The following FBXO27 variants were observed in gnomAD, a reference collection of about 807,000 sequenced individuals.
FBXO27 encodes the protein F-box only protein 27.
In FBXO27, 28 loss-of-function variants were observed where a neutral mutation model predicts 28.3. That is an observed-to-expected ratio of 0.99 (90% confidence interval 0.73 to 1.36). FBXO27 has a LOEUF of 1.36. FBXO27 is among the 40% of genes most tolerant of loss of function. The pLI, the probability that FBXO27 is intolerant of heterozygous loss-of-function variation, is 0.00. For missense variants in FBXO27, 388 were observed against 394.1 expected, an observed-to-expected ratio of 0.98 and a Z score of 0.13; for synonymous variants, 175 against 167.3, an observed-to-expected ratio of 1.05 and a Z score of -0.36.
At chr19:39,030,710 C>T (rs1281071374) in intron 4 of FBXO27, 1 of 339,314 alleles carries the variant, frequency 2.9e-6, no homozygotes, top group Non-Finnish European at 5.5e-6. Flanking sequence ...TCAAGTGATT[C>T]TCCTGCCTCA....
At chr19:39,016,254 G>T (rs1023956866) in intron 1 of FBXO27, among the ~76,000 whole-genome samples, 9 of 152,086 alleles carry the variant, frequency 5.9e-5, no homozygotes, top group Non-Finnish European at 1.2e-4. Flanking sequence ...GACACCAAGT[G>T]TGACCCTAAT....
At chr19:39,026,781 C>T in intron 5 of FBXO27, 89 bp downstream of exon 5, 1 of 1,575,850 alleles carries the variant, frequency 6.3e-7, no homozygotes. Flanking sequence ...CAGACTGTCA[C>T]TGATTTTAAG....
At chr19:39,026,331 C>T (rs1446564652) in intron 5 of FBXO27, among the ~76,000 whole-genome samples, 1 of 152,142 alleles carries the variant, frequency 6.6e-6, no homozygotes, top group Non-Finnish European at 1.5e-5. Context: ...CAGCTACACA[C>T]ATACTACCCA....
At position 39,032,330 on chromosome 19, in the gene FBXO27, C is replaced by A; in HGVS notation, c.-26-77G>T. On this transcript the variant is annotated intron_variant, in intron 1 of 5. Transcript: ENST00000292853. The surrounding 1 kb of genome is among the most constrained non-coding windows in gnomAD (Gnocchi z 4.7). ...GCAGCCTCTGCCTGCCCTGATTCTGCCAGCCGCACCCCCGTCTTCACCATC... is the reference window on the plus strand; with the variant it reads ...GCAGCCTCTGCCTGCCCTGATTCTGACAGCCGCACCCCCGTCTTCACCATC... 6 of 1,348,954 alleles carry A rather than the reference C, an allele frequency of 4.4e-6. No individual in the cohort carries two copies. Among genetic ancestry groups the A allele is most frequent in the Non-Finnish European group, 5.7e-6 (6 of 1,052,280 alleles). The allele number at this position is 1,348,954 out of a possible 1,614,324, so 83.6% of individuals were successfully genotyped here. A position where few individuals can be genotyped will look rare whatever the true frequency, so the allele number is the denominator to read the frequency against.
chr19:39,027,153 T>C, intron 4 of FBXO27, 148 bp from the exon 5 acceptor site: 3 of 1,005,684 alleles, frequency 3.0e-6, no homozygotes, highest in Non-Finnish European at 4.3e-6. Context: ...TTTGGAATGT[T>C]GTGTCAGACA....
rs367705931 is a variant in FBXO27 at position 39,031,020 on chromosome 19, C to T, written c.572+9G>A. 17 of 1,612,262 alleles carry T rather than the reference C, an allele frequency of 1.1e-5. No individual in the cohort carries two copies. The African/African-American group carries it at 2.0e-4, about 19-fold the overall frequency. The stretch of plus-strand genomic sequence containing the variant: ...CTTAGCAAGGGGCTATTTTAATCGT[C>T]ACACTCACCAGTCAGAGACACAAAT... On this transcript the variant is annotated intron_variant, in intron 4 of 5. Transcript: ENST00000292853.
chr19:39,023,612 CTTT>C (rs10711556), downstream of FBXO27, among the ~76,000 whole-genome samples: 1 of 146,628 alleles, frequency 6.8e-6, no homozygotes, highest in Admixed American at 6.8e-5. Context: ...GACCTATTGT[CTTT>C]TTTTTTTTTT....
chr19:39,006,387 G>A (rs150684483), intron 2 of FBXO27, among the ~76,000 whole-genome samples: 5 of 151,934 alleles, frequency 3.3e-5, no homozygotes, highest in East Asian at 1.9e-4. Flanking sequence ...GAGAAACCCC[G>A]TCTCTACTAA....
Position 39,009,725 on chromosome 19 carries a change from T to G in FBXO27, c.252+4662A>C, listed in dbSNP as rs144414748. On this transcript the variant is annotated intron_variant, in intron 2 of 2. Transcript: ENST00000598394. ...TATCAGATATATAATTTGCAAAACA[T>G]TCTCTCCCAGTCTGTGGGTTGTCTT... is the stretch of plus-strand genomic sequence containing the variant. Among the ~76,000 whole-genome samples the G allele has an allele frequency of 4.8e-3, 733 of 152,208 alleles. 9 individuals carry two copies. Among genetic ancestry groups the G allele is most frequent in the African/African-American group, 0.017 (687 of 41,550 alleles).
intron 4 of FBXO27, 123 bp from the exon 5 acceptor site, chr19:39,027,128 G>A (rs1184671173): frequency 4.1e-6 from 5 of 1,206,878 alleles, no homozygotes; most frequent in Non-Finnish European, 5.8e-6. Context: ...ACTCCTGGGA[G>A]GTGATCTCTG....
chr19:39,029,477 G>A (rs565800451), intron 4 of FBXO27, among the ~76,000 whole-genome samples: 8 of 150,884 alleles, frequency 5.3e-5, no homozygotes, highest in African/African-American at 1.9e-4. Context: ...ATTTCCAATG[G>A]CCACTTTGCC....
chr19:39,025,835 T>C (rs2072870389), intron 5 of FBXO27, among the ~76,000 whole-genome samples: 1 of 151,970 alleles, frequency 6.6e-6, no homozygotes, highest in Admixed American at 6.6e-5. Flanking sequence ...GCCAACACGG[T>C]GAAACCCTGT....
intron 2 of FBXO27, among the ~76,000 whole-genome samples, chr19:39,007,367 C>T (rs887746575): frequency 1.3e-5 from 2 of 152,146 alleles, no homozygotes; most frequent in East Asian, 1.9e-4. Context: ...CCCAGCTGGG[C>T]GTTCTGGTGG....
intron 2 of FBXO27, 132 bp from the exon 3 acceptor site, chr19:39,031,452 G>GC: frequency 1.6e-6 from 1 of 609,300 alleles, no homozygotes; most frequent in East Asian, 3.1e-5. Context: ...CCGAGGCCCC[G>GC]CCCCCTTCCC....
intron 2 of FBXO27, among the ~76,000 whole-genome samples, chr19:39,013,373 C>T (rs1220686766): frequency 1.3e-5 from 2 of 151,970 alleles, no homozygotes; most frequent in Non-Finnish European, 2.9e-5. Flanking sequence ...CTCATGCCTG[C>T]AATCCCAGCA....
chr19:39,025,173 G>T lies in FBXO27; in HGVS notation c.*238C>A. Reference sequence around the variant, plus strand: ...ATGCTCACTTGTGGGTTTCCCCTCAGTACAGTAGGGCCCCCCCGCAAAGCA... The same window carrying T: ...ATGCTCACTTGTGGGTTTCCCCTCATTACAGTAGGGCCCCCCCGCAAAGCA... On this transcript the variant is annotated 3_prime_UTR_variant, in exon 6 of 6. Transcript: ENST00000292853. 1.9e-6 allele frequency: 1 copy of T among 531,922 alleles called. No individual in the cohort carries two copies. The highest frequency in any genetic ancestry group is 3.3e-6 in the Non-Finnish European group (1 of 306,084). The allele number at this position is 531,922 out of a possible 1,614,324, so 33.0% of individuals were successfully genotyped here. A position where few individuals can be genotyped will look rare whatever the true frequency, so the allele number is the denominator to read the frequency against.
intron 1 of FBXO27, among the ~76,000 whole-genome samples, chr19:39,014,734 A>AAAAC (rs370500495): frequency 4.9e-4 from 73 of 149,130 alleles, no homozygotes; most frequent in African/African-American, 1.7e-3. Flanking sequence ...TAAAAACAAA[A>AAAAC]AAACAAACAA....
At chr19:39,029,970 T>C (rs1477778096) in intron 4 of FBXO27, among the ~76,000 whole-genome samples, 1 of 152,174 alleles carries the variant, frequency 6.6e-6, no homozygotes, top group Non-Finnish European at 1.5e-5. Flanking sequence ...GCCTCCTGAG[T>C]AGCTGGGACT....
At position 39,031,828 on chromosome 19, in the gene FBXO27, G is replaced by A. The variant is rs750685791; in HGVS notation, c.364+36C>T. 55 of 1,449,158 alleles carry A rather than the reference G, an allele frequency of 3.8e-5. No homozygotes were observed. The Middle Eastern group carries it at 2.9e-3, about 76-fold the overall frequency. The allele number at this position is 1,449,158 out of a possible 1,614,324, so 89.8% of individuals were successfully genotyped here. A position where few individuals can be genotyped will look rare whatever the true frequency, so the allele number is the denominator to read the frequency against. ...CGGCCCCGCTACCGCTCCCACTGTG[G>A]CCCAGCATCCTGGACTTCCTCTTCC... On this transcript the variant is annotated intron_variant, in intron 2 of 5. Coordinates refer to ENST00000292853, the MANE Select transcript of FBXO27 (RefSeq NM_178820.5).
Sources: gnomAD v4.1 joint callset for allele counts (sites outside exome capture counted in the v4.1 genomes callset) on GRCh38, gnomAD v4.1.1 for gene constraint, Gnocchi (gnomAD v3.1) non-coding constraint, MANE v1.5 for transcripts, NCBI Gene and HGNC (gene_info 2026-07-23, HGNC 2026-07-21) for gene names.